ABCB5: variants seen among roughly 807,000 people sequenced by gnomAD.
The protein encoded by ABCB5 is ATP binding cassette subfamily B member 5, also known as ATP-binding cassette sub-family B member 5.
A neutral mutation model predicts 144.2 loss-of-function variants in ABCB5; 155 were observed. The ratio of observed to expected loss-of-function variants is 1.08; its 90% CI spans 0.94 to 1.23. The LOEUF is 1.23. Ranked by LOEUF, ABCB5 falls within the 50% of genes most tolerant of loss-of-function variation. The probability of loss-of-function intolerance (pLI) is 0.00; values close to 1 mark genes in which losing one functional copy is unlikely to be tolerated. For synonymous variants in ABCB5, 610 were observed against 528.6 expected (o/e 1.15, Z -2.11); for missense variants, 1,830 against 1,520.8 (o/e 1.20, Z -3.38).
rs1244502074 is a variant in ABCB5, at chr7:20,680,970, T to TTTTC, written c.1708-473_1708-470dup. Among the ~76,000 whole-genome samples, 845 of 131,090 alleles carry TTTTC rather than the reference T, an allele frequency of 6.4e-3. 27 individuals carry two copies. Among genetic ancestry groups the TTTTC allele is most frequent in the Non-Finnish European group, 8.4e-3 (521 of 61,792 alleles). The allele number at this position is 131,090 out of a possible 152,430, so 86.0% of individuals were successfully genotyped here. The stretch of plus-strand genomic sequence containing the variant: ...TTCTTTCCCTCCCTCCCTCCTTTCT[T>TTTTC]TTTCTTTCTTTCTTTCTTTCTTTCT... On this transcript the variant is annotated intron_variant, in intron 14 of 27. Transcript: ENST00000404938.
At chr7:20,755,058 T>A (rs1034285167) in intron 27 of ABCB5, among the ~76,000 whole-genome samples, 1 of 152,158 alleles carries the variant, frequency 6.6e-6, no homozygotes, top group Non-Finnish European at 1.5e-5. Flanking sequence ...CAAGCGATTG[T>A]CCTGCCTCAG....
chr7:20,669,739 A>AAAAG (rs1785401327), intron 14 of ABCB5, among the ~76,000 whole-genome samples: 5 of 132,630 alleles, frequency 3.8e-5, no homozygotes, highest in African/African-American at 8.4e-5. Context: ...AAAAAAAAAA[A>AAAAG]AAAAGAAAAT....
intron 26 of ABCB5, among the ~76,000 whole-genome samples, chr7:20,751,567 G>C (rs4721946): frequency 6.6e-6 from 1 of 152,044 alleles, no homozygotes; most frequent in African/African-American, 2.4e-5. Flanking sequence ...GAAGGCCAAA[G>C]ACTGCAAAGT....
chr7:20,712,040 CCATCCTGG>C (rs1484537343), intron 20 of ABCB5, among the ~76,000 whole-genome samples: 1 of 143,890 alleles, frequency 6.9e-6, no homozygotes, highest in Non-Finnish European at 1.5e-5. Context: ...GAGATTGAAA[CCATCCTGG>C]CTAACACAGT....
intron 14 of ABCB5, among the ~76,000 whole-genome samples, chr7:20,674,391 G>A (rs59078559): frequency 0.013 from 1,989 of 151,902 alleles, 37 homozygotes; most frequent in African/African-American, 0.045. Context: ...GTTTTAGCCT[G>A]AAAGTTATAG....
intron 10 of ABCB5, 112 bp downstream of exon 10, chr7:20,647,760 C>G: frequency 6.8e-7 from 1 of 1,460,348 alleles, no homozygotes; most frequent in Admixed American, 2.6e-5. Context: ...TTAATGTTGG[C>G]CAGTTGTTTA....
chr7:20,630,349 C>A (rs1377198292), intron 4 of ABCB5, among the ~76,000 whole-genome samples: 2 of 151,218 alleles, frequency 1.3e-5, no homozygotes, highest in African/African-American at 4.9e-5. Flanking sequence ...TAATTTATAC[C>A]TAAATTATAC....
chr7:20,662,968 A>G (rs1785050316), intron 14 of ABCB5, among the ~76,000 whole-genome samples: 1 of 152,246 alleles, frequency 6.6e-6, no homozygotes, highest in Non-Finnish European at 1.5e-5. Flanking sequence ...CAAATGGATG[A>G]TAACAGCTAA....
At chr7:20,659,578 C>T in intron 14 of ABCB5, 3 of 995,868 alleles carry the variant, frequency 3.0e-6, no homozygotes, top group African/African-American at 1.7e-5. Flanking sequence ...ATAACAATGC[C>T]ACATGTTGCT....
intron 26 of ABCB5, among the ~76,000 whole-genome samples, chr7:20,747,806 C>A (rs1782775229): frequency 2.0e-5 from 3 of 152,004 alleles, no homozygotes; most frequent in South Asian, 2.1e-4. Context: ...AATAAGGAAA[C>A]CTGATACCAA....
chr7:20,638,613 T>A (rs1426078751), intron 5 of ABCB5, among the ~76,000 whole-genome samples: 4 of 152,228 alleles, frequency 2.6e-5, no homozygotes, highest in Non-Finnish European at 4.4e-5. Flanking sequence ...ATATAATATG[T>A]AAGGTTCTTG....
intron 16 of ABCB5, among the ~76,000 whole-genome samples, chr7:20,697,440 T>C (rs1348001621): frequency 6.6e-6 from 1 of 152,198 alleles, no homozygotes; most frequent in African/African-American, 2.4e-5. Context: ...ACTGTCTACT[T>C]TCCTACTCAG....
intron 23 of ABCB5, among the ~76,000 whole-genome samples, chr7:20,729,442 T>A (rs990671475): frequency 8.5e-5 from 13 of 152,310 alleles, no homozygotes; most frequent in African/African-American, 3.1e-4. Flanking sequence ...AGTGTTTCCC[T>A]TCAAAAATGT....
intron 14 of ABCB5, chr7:20,658,952 T>C: frequency 8.0e-7 from 1 of 1,254,126 alleles, no homozygotes; most frequent in South Asian, 1.2e-5. Flanking sequence ...GGTTTGCACT[T>C]TCCACCTCCC....
intron 5 of ABCB5, among the ~76,000 whole-genome samples, chr7:20,641,246 T>A (rs1784288330): frequency 6.6e-6 from 1 of 152,190 alleles, no homozygotes; most frequent in South Asian, 2.1e-4. Flanking sequence ...ACTCAAAACC[T>A]AAGAAGTTAT....
chr7:20,734,156 A>G (rs1029970962), intron 23 of ABCB5, among the ~76,000 whole-genome samples: 5 of 152,046 alleles, frequency 3.3e-5, no homozygotes, highest in Admixed American at 6.6e-5. Context: ...TGTGGCCCCA[A>G]CTACCATGAA....
intron 20 of ABCB5, among the ~76,000 whole-genome samples, chr7:20,720,816 C>A (rs867848544): frequency 6.6e-6 from 1 of 151,500 alleles, no homozygotes; most frequent in African/African-American, 2.4e-5. Flanking sequence ...TGGTGGTGCG[C>A]GCCTGTAGTC....
At chr7:20,711,264 G>T (rs1229914393) in intron 20 of ABCB5, among the ~76,000 whole-genome samples, 1 of 148,838 alleles carries the variant, frequency 6.7e-6, no homozygotes, top group Non-Finnish European at 1.5e-5. Context: ...CCTTATTCTA[G>T]GTACCTATTT....
At position 20,689,294 on chromosome 7, in the gene ABCB5, G is replaced by A. The variant is rs542905217; in HGVS notation, c.2010+3458G>A. ...GCCTCAATGGAAAGGGCACAGCTGTGGTTCACTGGATGGCAGAGCAGTTGC... is the reference window on the plus strand; with the variant it reads ...GCCTCAATGGAAAGGGCACAGCTGTAGTTCACTGGATGGCAGAGCAGTTGC... On this transcript the variant is annotated intron_variant, in intron 16 of 27. Coordinates refer to ENST00000404938, the MANE Select transcript of ABCB5 (RefSeq NM_001163941.2). Among the ~76,000 whole-genome samples, 8 of 152,300 alleles carry A rather than the reference G, an allele frequency of 5.3e-5. No homozygotes were observed. The South Asian group carries it at 1.5e-3, about 28-fold the overall frequency.
Sources: allele counts gnomAD v4.1 joint callset (sites outside exome capture counted in the v4.1 genomes callset), GRCh38; gene constraint gnomAD v4.1.1; transcripts MANE v1.5; gene names NCBI Gene and HGNC (gene_info 2026-07-23, HGNC 2026-07-21).